The following GABRA3 variants were observed in gnomAD, a reference collection of about 807,000 sequenced individuals.
GABRA3 encodes gamma-aminobutyric acid receptor subunit alpha-3.
GABRA3 carries 10 observed loss-of-function variants against 30.1 expected under a neutral mutation model. That is an observed-to-expected ratio of 0.33 (90% CI 0.20 to 0.56). The LOEUF is 0.56. GABRA3 is among the 20% of genes least tolerant of loss of function. The pLI, the probability that GABRA3 is intolerant of heterozygous loss-of-function variation, is 0.89. For synonymous variants in GABRA3, 151 were observed against 146.8 expected (o/e 1.03, Z -0.21); for missense variants, 233 against 392.0 (o/e 0.59, Z 3.42).
intron 6 of GABRA3, among the ~76,000 whole-genome samples, chrX:152,222,087 T>G (rs1470966282): frequency 9.0e-6 from 1 of 111,434 alleles, no homozygotes. Context: ...TTCCATGGTG[T>G]ATATGTACTA....
chrX:152,275,238 T>TAAA (rs1569378354), intron 4 of GABRA3, among the ~76,000 whole-genome samples: 2 of 51,313 alleles, frequency 3.9e-5, no homozygotes, highest in African/African-American at 2.0e-4. Context: ...TTTATATATA[T>TAAA]TTTATTATAT....
intron 8 of GABRA3, 47 bp downstream of exon 8, chrX:152,197,586 C>G: frequency 1.8e-6 from 2 of 1,120,571 alleles, no homozygotes; most frequent in Non-Finnish European, 2.4e-6. Context: ...TCCACTGTGA[C>G]TCTGCATGAT....
At chrX:152,300,722 T>C (rs935513864) in intron 3 of GABRA3, among the ~76,000 whole-genome samples, 9 of 111,858 alleles carry the variant, frequency 8.0e-5, no homozygotes, top group Non-Finnish European at 1.5e-4. Context: ...ATTTTAGAAA[T>C]AAAAAATGCA....
intron 3 of GABRA3, among the ~76,000 whole-genome samples, chrX:152,317,657 C>T (rs1939899100): frequency 8.9e-6 from 1 of 111,735 alleles, no homozygotes. Context: ...AAATCAACTC[C>T]AAAAGGAACC....
intron 3 of GABRA3, among the ~76,000 whole-genome samples, chrX:152,317,218 C>G (rs983996112): frequency 9.0e-6 from 1 of 111,646 alleles, no homozygotes; most frequent in Non-Finnish European, 1.9e-5. Context: ...TTACAAAAGT[C>G]AAAGAGGGAC....
At chrX:152,415,310 C>G (rs1230901014) in intron 1 of GABRA3, among the ~76,000 whole-genome samples, 8 of 110,790 alleles carry the variant, frequency 7.2e-5, no homozygotes, top group Middle Eastern at 9.3e-3. Context: ...TTCTGTAAAC[C>G]TAAAACTACT....
intron 8 of GABRA3, among the ~76,000 whole-genome samples, chrX:152,196,005 C>T (rs1276541763): frequency 9.1e-6 from 1 of 110,246 alleles, no homozygotes; most frequent in Non-Finnish European, 1.9e-5. Context: ...ATGGGATTGA[C>T]ACTCAATTTT....
intron 3 of GABRA3, among the ~76,000 whole-genome samples, chrX:152,313,335 CCT>C (rs1174103182): frequency 1.8e-5 from 2 of 111,169 alleles, no homozygotes; most frequent in Non-Finnish European, 3.8e-5. Context: ...CTCAGTTACC[CCT>C]GTCTGGTGAG....
At chrX:152,397,063 A>T (rs1172929438) in intron 1 of GABRA3, among the ~76,000 whole-genome samples, 1 of 111,948 alleles carries the variant, frequency 8.9e-6, no homozygotes, top group African/African-American at 3.2e-5. Flanking sequence ...TATCATGTTA[A>T]CACAGCATTG....
intron 1 of GABRA3, among the ~76,000 whole-genome samples, chrX:152,428,220 C>G (rs1326670472): frequency 8.9e-6 from 1 of 111,917 alleles, no homozygotes; most frequent in African/African-American, 3.2e-5. Context: ...CCCGTCCTAA[C>G]AGTGCACTGA....
chrX:152,438,661 A>G (rs1930839778), intron 1 of GABRA3, among the ~76,000 whole-genome samples: 1 of 112,443 alleles, frequency 8.9e-6, no homozygotes, highest in Non-Finnish European at 1.9e-5. Context: ...TGAGTTATCA[A>G]GCCATGATAA....
intron 1 of GABRA3, among the ~76,000 whole-genome samples, chrX:152,441,871 T>C (rs1045816164): frequency 2.7e-5 from 3 of 111,935 alleles, no homozygotes; most frequent in African/African-American, 9.7e-5. Flanking sequence ...TTTCTTGAAC[T>C]CTTCAGCAAA....
At chrX:152,267,155 T>C (rs1938840617) in intron 4 of GABRA3, among the ~76,000 whole-genome samples, 1 of 112,269 alleles carries the variant, frequency 8.9e-6, no homozygotes, top group Non-Finnish European at 1.9e-5. Context: ...GTTTGTCATA[T>C]ACGAGCTTTA....
intron 5 of GABRA3, among the ~76,000 whole-genome samples, chrX:152,241,294 C>T (rs1938361804): frequency 2.4e-5 from 2 of 84,630 alleles, no homozygotes; most frequent in Admixed American, 1.2e-4. Flanking sequence ...GGGGGTGCCT[C>T]CCAGTTAGGC....
intron 1 of GABRA3, among the ~76,000 whole-genome samples, chrX:152,412,542 C>T (rs1199496254): frequency 9.0e-6 from 1 of 111,686 alleles, no homozygotes; most frequent in Non-Finnish European, 1.9e-5. Flanking sequence ...AAATGAAGTA[C>T]TAATACATTC....
chrX:152,334,501 T>G (rs1940205404), intron 3 of GABRA3, among the ~76,000 whole-genome samples: 1 of 112,009 alleles, frequency 8.9e-6, no homozygotes, highest in Admixed American at 9.5e-5. Flanking sequence ...ACTTCTGATA[T>G]GAAAACATGA....
intron 3 of GABRA3, among the ~76,000 whole-genome samples, chrX:152,286,131 G>GTA (rs1420168767): frequency 7.3e-5 from 6 of 82,005 alleles, no homozygotes; most frequent in Middle Eastern, 6.0e-3. Flanking sequence ...GTATAGTATA[G>GTA]TATATAAGTT....
At position 152,385,652 on chromosome X, in the gene GABRA3, C is replaced by A. The variant is rs1432954062; in HGVS notation, c.-26-21056G>T. On this transcript the variant is annotated intron_variant, in intron 1 of 9. Coordinates refer to ENST00000370314, the MANE Select transcript of GABRA3 (RefSeq NM_000808.4). ...TTGCCATTGCTTTTGGTGTTTTAGA[C>A]ATGAAGTCCTTGCCCATGCCTATGT... Among the ~76,000 whole-genome samples the A allele has an allele frequency of 3.6e-5, 4 of 111,765 alleles. No individual in the cohort carries two copies. In the East Asian group the frequency reaches 1.1e-3, roughly 31 times the overall value.
chrX:152,186,500 C>T (rs181368033), intron 9 of GABRA3, among the ~76,000 whole-genome samples: 55 of 111,622 alleles, frequency 4.9e-4, no homozygotes, highest in Admixed American at 4.9e-3. Context: ...TCGCCTTCAG[C>T]GCCATCAGTT....
Sources: gnomAD v4.1 joint callset for allele counts (sites outside exome capture counted in the v4.1 genomes callset) on GRCh38, gnomAD v4.1.1 for gene constraint, MANE v1.5 for transcripts, NCBI Gene and HGNC (gene_info 2026-07-23, HGNC 2026-07-21) for gene names.